The following CSMD3 variants were observed in gnomAD, a reference collection of about 807,000 sequenced individuals.
The protein encoded by CSMD3 is CUB and sushi domain-containing protein 3.
A neutral mutation model predicts 435.2 loss-of-function variants in CSMD3; 177 were observed. The ratio of observed to expected loss-of-function variants is 0.41; its 90% CI spans 0.36 to 0.46. The LOEUF (loss-of-function observed/expected upper bound fraction) is 0.46. Ranked by LOEUF, CSMD3 falls within the 20% of genes least tolerant of loss-of-function variation. The probability of loss-of-function intolerance (pLI) is 0.34; values close to 1 mark genes in which losing one functional copy is unlikely to be tolerated. For synonymous variants in CSMD3, 1,656 were observed against 1,520.5 expected (o/e 1.09, Z -2.07); for missense variants, 4,265 against 4,504.6 (o/e 0.95, Z 1.52).
chr8:113,111,071 C>T (rs2090624017), intron 4 of CSMD3, among the ~76,000 whole-genome samples: 1 of 152,090 alleles, frequency 6.6e-6, no homozygotes, highest in Non-Finnish European at 1.5e-5. Context: ...AATATCATCA[C>T]TATGGAGAGA....
chr8:113,194,085 G>A (rs1046547029), intron 3 of CSMD3, among the ~76,000 whole-genome samples: 8 of 151,026 alleles, frequency 5.3e-5, no homozygotes, highest in Non-Finnish European at 8.9e-5. Context: ...TTTCTTTGGG[G>A]GAAAAAAACC....
At chr8:112,443,872 A>G (rs561931882) in intron 32 of CSMD3, among the ~76,000 whole-genome samples, 1 of 152,220 alleles carries the variant, frequency 6.6e-6, no homozygotes, top group South Asian at 2.1e-4. Flanking sequence ...TTGCTCATTG[A>G]TTGTTTATTA....
intron 2 of CSMD3, chr8:113,313,178 G>C (rs2093883390): frequency 6.6e-6 from 1 of 152,162 alleles, no homozygotes; most frequent in South Asian, 2.1e-4. Context: ...AGTTTAAACA[G>C]AGGTAGCGTA....
intron 1 of CSMD3, among the ~76,000 whole-genome samples, chr8:113,368,923 C>T (rs2133040264): frequency 6.6e-6 from 1 of 152,024 alleles, no homozygotes; most frequent in Admixed American, 6.6e-5. Flanking sequence ...CAGTGAATCA[C>T]CAAGGAACGG....
intron 4 of CSMD3, among the ~76,000 whole-genome samples, chr8:113,119,950 T>A (rs1191248365): frequency 1.1e-5 from 1 of 87,388 alleles, no homozygotes; most frequent in Non-Finnish European, 2.0e-5. Flanking sequence ...TTAAAGAGAG[T>A]CTGTTCAAAT....
chr8:112,692,505 T>C (rs2076159296), intron 13 of CSMD3, among the ~76,000 whole-genome samples: 1 of 152,180 alleles, frequency 6.6e-6, no homozygotes, highest in Non-Finnish European at 1.5e-5. Flanking sequence ...TTCAATTTGT[T>C]ATATTAATCA....
chr8:112,340,568 T>A (rs28468973), intron 42 of CSMD3, among the ~76,000 whole-genome samples: 4,888 of 152,208 alleles, frequency 0.032, 102 homozygotes, highest in Non-Finnish European at 0.043. Flanking sequence ...TTACATAAAG[T>A]CCTTCAATAA....
chr8:113,209,580 C>T (rs1464381489), intron 3 of CSMD3, among the ~76,000 whole-genome samples: 2 of 152,042 alleles, frequency 1.3e-5, no homozygotes, highest in Admixed American at 1.3e-4. Context: ...ACTAAAGTAA[C>T]TCTAAATTAA....
At chr8:112,333,475 C>T (rs976930151) in intron 45 of CSMD3, among the ~76,000 whole-genome samples, 1 of 152,082 alleles carries the variant, frequency 6.6e-6, no homozygotes, top group Non-Finnish European at 1.5e-5. Flanking sequence ...CCTTGATCTG[C>T]TTTATTCTTA....
At chr8:113,233,070 T>C (rs971027732) in intron 3 of CSMD3, among the ~76,000 whole-genome samples, 1 of 151,922 alleles carries the variant, frequency 6.6e-6, no homozygotes, top group Non-Finnish European at 1.5e-5. Flanking sequence ...GTTATTTCCA[T>C]AATTTTTGGA....
rs149221449 is a variant in CSMD3 at position 112,530,207 on chromosome 8, T to G, written c.4565-12982A>C. ...TTACATTATGAGAGTGTCAGAAGGA[T>G]AAGAGAAAAAGAAAAACAGGACAGT... On this transcript the variant is annotated intron_variant, in intron 27 of 70. Coordinates refer to ENST00000297405, the MANE Select transcript of CSMD3 (RefSeq NM_198123.2). 3.6e-3 allele frequency among the ~76,000 whole-genome samples: 542 copies of G among 151,990 alleles called. 1 individual carries two copies. The highest frequency in any genetic ancestry group is 0.013 in the African/African-American group (519 of 41,464).
chr8:112,253,338 T>C (rs1815458849), intron 63 of CSMD3, among the ~76,000 whole-genome samples: 1 of 151,946 alleles, frequency 6.6e-6, no homozygotes, highest in African/African-American at 2.4e-5. Flanking sequence ...TACACTTTTG[T>C]ATTATCTGGA....
intron 37 of CSMD3, 115 bp downstream of exon 37, chr8:112,383,452 A>G: frequency 2.9e-6 from 2 of 683,092 alleles, no homozygotes; most frequent in Non-Finnish European, 5.3e-6. Context: ...ATCTTTGTGT[A>G]TAGTTTGTAA....
chr8:112,377,255 A>G lies in CSMD3; in HGVS notation c.6136+3097T>C, dbSNP rs576168065. 8.6e-5 allele frequency among the ~76,000 whole-genome samples: 13 copies of G among 151,512 alleles called. No homozygotes were observed. In the South Asian group the frequency reaches 2.7e-3, roughly 31 times the overall value. ...ACCGAAAAATTGAATAACCCAGAAAAATGAAAAAATTCCTAGAAATATAAA... is the reference window on the plus strand; with the variant it reads ...ACCGAAAAATTGAATAACCCAGAAAGATGAAAAAATTCCTAGAAATATAAA... On this transcript the variant is annotated intron_variant, in intron 38 of 70. Coordinates refer to ENST00000297405, the MANE Select transcript of CSMD3 (RefSeq NM_198123.2).
chr8:112,859,667 G>A (rs1483649078), intron 10 of CSMD3, among the ~76,000 whole-genome samples: 2 of 151,490 alleles, frequency 1.3e-5, no homozygotes, highest in Non-Finnish European at 1.5e-5. Flanking sequence ...AAGTACCCTA[G>A]GACTCACAAT....
In CSMD3 at chr8:112,638,936, A is replaced by G. The variant is rs369583575; in HGVS notation, c.3311-25T>C. ...CCTATTAAGAAAAATAGAAACACTG[A>G]ATTTACAGGTAGATCAGTAAAACAC... On this transcript the variant is annotated intron_variant, in intron 20 of 70. Transcript: ENST00000297405. The G allele has an allele frequency of 3.4e-6, 5 of 1,469,710 alleles. No homozygotes were observed. In the East Asian group the frequency reaches 6.8e-5, roughly 20 times the overall value. The allele number at this position is 1,469,710 out of a possible 1,614,324, so 91.0% of individuals were successfully genotyped here. A position where few individuals can be genotyped will look rare whatever the true frequency, so the allele number is the denominator to read the frequency against.
In CSMD3 at chr8:112,287,230, T is replaced by C. The variant is rs1476690207; in HGVS notation, c.9165A>G (p.Thr3055=). The C allele has an allele frequency of 6.2e-7, 1 of 1,613,614 alleles. No homozygotes were observed. The highest frequency in any genetic ancestry group is 8.5e-7 in the Non-Finnish European group (1 of 1,179,734). ...GGCCGGGAGTACCTGGATCGCCACA[T>C]GTCCCAGTAGCATCACCTGCAATGC... is the stretch of plus-strand genomic sequence containing the variant. ...QPHCSGDATG[T]CGDPGTPGHG... The change falls in exon 58 of 71, where the codon ACA becomes ACG. Residue 3055 remains threonine (T), a synonymous_variant. Transcript: ENST00000297405.
intron 50 of CSMD3, among the ~76,000 whole-genome samples, chr8:112,309,698 T>C (rs1303932154): frequency 6.6e-6 from 1 of 152,106 alleles, no homozygotes; most frequent in Non-Finnish European, 1.5e-5. Flanking sequence ...TGATTAATGT[T>C]TCCTTGCATC....
chr8:113,428,205 TATC>T (rs953303430), intron 1 of CSMD3, among the ~76,000 whole-genome samples: 3 of 11,024 alleles, frequency 2.7e-4, no homozygotes, highest in Non-Finnish European at 6.9e-4. Context: ...AACTGTGGGA[TATC>T]TATCTATCTA....
Sources: allele counts gnomAD v4.1 joint callset (sites outside exome capture counted in the v4.1 genomes callset), GRCh38; gene constraint gnomAD v4.1.1; transcripts MANE v1.5; gene names NCBI Gene and HGNC (gene_info 2026-07-23, HGNC 2026-07-21).